Variants in UBE3B observed in about 807,000 individuals in gnomAD.
UBE3B encodes ubiquitin-protein ligase E3B.
In UBE3B, 80 loss-of-function variants were observed where a neutral mutation model predicts 132.3. The ratio of observed to expected loss-of-function variants is 0.60; its 90% CI spans 0.50 to 0.73. The LOEUF (loss-of-function observed/expected upper bound fraction) is 0.73, where lower values mean the gene tolerates loss of function less well. Ranked by LOEUF, UBE3B falls within the 30% of genes least tolerant of loss-of-function variation. UBE3B has a pLI of 0.00. For missense variants in UBE3B, 1,196 were observed against 1,362.5 expected, an observed-to-expected ratio of 0.88 and a Z score of 1.92; for synonymous variants, 487 against 520.4, an observed-to-expected ratio of 0.94 and a Z score of 0.87.
In UBE3B at chr12:109,522,411, A is replaced by T. The variant is rs373874193; in HGVS notation, c.2364+860A>T. 1.2e-4 allele frequency among the ~76,000 whole-genome samples: 19 copies of T among 152,284 alleles called. No homozygotes were observed. In the East Asian group the frequency reaches 3.5e-3, roughly 28 times the overall value. ...GTTCCTTGGGAGAGTCCTGTTTCCC[A>T]GGAGGAAGGAAAGCTGCAGCACAAG... On this transcript the variant is annotated intron_variant, in intron 21 of 27. Coordinates refer to ENST00000342494, the MANE Select transcript of UBE3B (RefSeq NM_130466.4). The surrounding 1 kb of genome is among the most constrained non-coding windows in gnomAD (Gnocchi z 4.2).
At chr12:109,526,539 G>C in intron 24 of UBE3B, 123 bp downstream of exon 24, 1 of 1,030,446 alleles carries the variant, frequency 9.7e-7, no homozygotes, top group South Asian at 1.5e-5. Flanking sequence ...ATATCATAAT[G>C]GAATTTACTG....
intron 7 of UBE3B, among the ~76,000 whole-genome samples, chr12:109,489,111 A>T (rs887805652): frequency 6.6e-6 from 1 of 152,236 alleles, no homozygotes; most frequent in African/African-American, 2.4e-5. Context: ...CTGTTCAACA[A>T]GTAGCCCATA....
chr12:109,498,425 A>G (rs1394064759), intron 11 of UBE3B, 72 bp downstream of exon 11: 3 of 1,535,266 alleles, frequency 2.0e-6, no homozygotes, highest in South Asian at 1.2e-5. Flanking sequence ...GCCTGTCACT[A>G]TTCTAGAGAT....
the UBE3B span, among the ~76,000 whole-genome samples, chr12:109,546,280 G>A: frequency 1.1e-4 from 16 of 152,296 alleles, no homozygotes; most frequent in Admixed American, 1.3e-4. Flanking sequence ...TCATCCCAGC[G>A]AGTGTTCAAA....
intron 1 of UBE3B, among the ~76,000 whole-genome samples, chr12:109,478,446 A>T (rs930010607): frequency 2.4e-4 from 37 of 152,200 alleles, no homozygotes; most frequent in African/African-American, 8.9e-4. Flanking sequence ...GTTAATATGA[A>T]TAGTCTCTTT....
intron 19 of UBE3B, chr12:109,519,638 C>T (rs1881462354): frequency 6.6e-6 from 1 of 152,120 alleles, no homozygotes; most frequent in Non-Finnish European, 1.5e-5. Context: ...AATTCTCCAT[C>T]CGTTCTCATC....
chr12:109,539,535 C>T (rs1311767898), downstream of UBE3B, among the ~76,000 whole-genome samples: 3 of 152,222 alleles, frequency 2.0e-5, no homozygotes, highest in Non-Finnish European at 2.9e-5. Flanking sequence ...CTGCAGTTTC[C>T]TCTTCCATGA....
intron 6 of UBE3B, among the ~76,000 whole-genome samples, chr12:109,487,048 T>C: frequency 6.6e-6 from 1 of 152,292 alleles, no homozygotes; most frequent in Admixed American, 6.5e-5. Flanking sequence ...CTGCTCCCTT[T>C]TGGGGTCACC....
the UBE3B span, among the ~76,000 whole-genome samples, chr12:109,543,703 G>A: frequency 6.6e-6 from 1 of 152,198 alleles, no homozygotes; most frequent in Admixed American, 6.5e-5. Context: ...CATGGTGGCA[G>A]GCACCTGTAG....
chr12:109,536,384 G>T lies in UBE3B; in HGVS notation c.*1602G>T, dbSNP rs1592984404. ...GGGGACCCCAGACTGTCAGCACAGG[G>T]AAGATGGATCCCATCCTAATTTTTA... On this transcript the variant is annotated 3_prime_UTR_variant, in exon 28 of 28. Transcript: ENST00000342494. 1 of 152,262 alleles carries T rather than the reference G, an allele frequency of 6.6e-6. No homozygotes were observed. The allele number at this position is 152,262 out of a possible 1,614,324, so 9.4% of individuals were successfully genotyped here. A position where few individuals can be genotyped will look rare whatever the true frequency, so the allele number is the denominator to read the frequency against.
intron 14 of UBE3B, among the ~76,000 whole-genome samples, chr12:109,504,806 C>CA (rs1879455747): frequency 7.0e-6 from 1 of 142,062 alleles, no homozygotes; most frequent in South Asian, 2.3e-4. Flanking sequence ...TTGTGTCCAG[C>CA]TTTTTTTTTT....
At chr12:109,499,530 C>T in intron 11 of UBE3B, 103 bp from the exon 12 acceptor site, 1 of 1,190,352 alleles carries the variant, frequency 8.4e-7, no homozygotes, top group East Asian at 3.1e-5. Context: ...AAATTTCTTG[C>T]TGCACATGGG....
intron 14 of UBE3B, among the ~76,000 whole-genome samples, chr12:109,504,295 A>T (rs1879374838): frequency 6.6e-6 from 1 of 152,338 alleles, no homozygotes; most frequent in Admixed American, 6.5e-5. Flanking sequence ...CATATCTTCA[A>T]ATTTGGCATT....
intron 1 of UBE3B, among the ~76,000 whole-genome samples, chr12:109,480,276 T>G (rs1478494762): frequency 6.6e-6 from 1 of 151,976 alleles, no homozygotes; most frequent in Non-Finnish European, 1.5e-5. Context: ...TGCACTCAAG[T>G]ACCTCCATAG....
At position 109,521,559 on chromosome 12, in the gene UBE3B, C is replaced by T. The variant is rs761505766; in HGVS notation, c.2364+8C>T. 58 of 1,541,292 alleles carry T rather than the reference C, an allele frequency of 3.8e-5. No homozygotes were observed. In the Admixed American group the frequency reaches 4.8e-4, roughly 13 times the overall value. ...GGGAAGGCTGTGTATGAGGTAGGAA[C>T]GTTAAGAAACAGAGAAATGTAAAAT... is the stretch of plus-strand genomic sequence containing the variant. On this transcript the variant is annotated splice_region_variant and intron_variant, in intron 21 of 27. Transcript: ENST00000342494. The surrounding 1 kb of genome is among the most constrained non-coding windows in gnomAD (Gnocchi z 4.2).
At chr12:109,479,027 C>T (rs1490382145) in intron 1 of UBE3B, among the ~76,000 whole-genome samples, 1 of 152,206 alleles carries the variant, frequency 6.6e-6, no homozygotes, top group Non-Finnish European at 1.5e-5. Context: ...TTAGTTATTA[C>T]AGCCTTGACT....
At chr12:109,509,519 C>T in intron 15 of UBE3B, 77 bp from the exon 16 acceptor site, 1 of 837,106 alleles carries the variant, frequency 1.2e-6, no homozygotes. Flanking sequence ...CGTTTATTGT[C>T]TAGTAAGCAG....
chr12:109,517,882 G>T, intron 19 of UBE3B: 1 of 415,888 alleles, frequency 2.4e-6, no homozygotes, highest in South Asian at 1.7e-5. Flanking sequence ...CTCCCTCGGT[G>T]CATCGTACCT....
chr12:109,526,473 C>T (rs185566351), intron 24 of UBE3B, 57 bp downstream of exon 24: 152 of 1,532,306 alleles, frequency 9.9e-5, no homozygotes, highest in Non-Finnish European at 5.8e-5. Context: ...CATTCTGGCT[C>T]TCTGCGCTTA....
Sources: allele counts gnomAD v4.1 joint callset (sites outside exome capture counted in the v4.1 genomes callset), GRCh38; gene constraint gnomAD v4.1.1; non-coding constraint Gnocchi (gnomAD v3.1); transcripts MANE v1.5; gene names NCBI Gene and HGNC (gene_info 2026-07-23, HGNC 2026-07-21).